UGT3A1: variants seen among roughly 807,000 people sequenced by gnomAD.
UGT3A1 encodes the protein UDP glycosyltransferase family 3 member A1, also known as UDP-glycosyltransferase 3A1.
Under a neutral mutation model 37.6 loss-of-function variants are expected in UGT3A1, and 40 were observed. That is an observed-to-expected ratio of 1.06 (90% CI 0.83 to 1.38). UGT3A1 has a LOEUF of 1.38. UGT3A1 is among the 40% of genes most tolerant of loss of function. The pLI, the probability that UGT3A1 is intolerant of heterozygous loss-of-function variation, is 0.00. For missense variants in UGT3A1, 642 were observed against 634.2 expected (o/e 1.01, Z -0.13); for synonymous variants, 256 against 232.3 (o/e 1.10, Z -0.93).
upstream of UGT3A1, among the ~76,000 whole-genome samples, chr5:35,994,035 T>TA (rs796184412): frequency 1.5e-4 from 22 of 151,692 alleles, no homozygotes; most frequent in African/African-American, 4.1e-4. Context: ...ATTTGCTGTT[T>TA]AAAAAAAAAC....
At chr5:35,971,735 A>G (rs1013867100) in intron 2 of UGT3A1, among the ~76,000 whole-genome samples, 1 of 152,092 alleles carries the variant, frequency 6.6e-6, no homozygotes. Flanking sequence ...GCTCTCAGCC[A>G]GAGAGGTATT....
chr5:35,981,879 T>C (rs1439876343), intron 2 of UGT3A1, among the ~76,000 whole-genome samples: 2 of 151,954 alleles, frequency 1.3e-5, no homozygotes, highest in Admixed American at 1.3e-4. Context: ...GAGGGGAAAA[T>C]GGTTTTGTGG....
At chr5:35,996,279 C>A (rs936607307), upstream of UGT3A1, among the ~76,000 whole-genome samples, 1 of 152,148 alleles carries the variant, frequency 6.6e-6, no homozygotes, top group African/African-American at 2.4e-5. Flanking sequence ...AGGGGTTTCG[C>A]TTCTCCAAAT....
chr5:35,976,437 C>T (rs1288885459), intron 2 of UGT3A1, among the ~76,000 whole-genome samples: 1 of 152,188 alleles, frequency 6.6e-6, no homozygotes, highest in African/African-American at 2.4e-5. Flanking sequence ...CCTACTTTCT[C>T]TTCTGGTAAG....
At position 35,954,216 on chromosome 5, in the gene UGT3A1, C is replaced by A; in HGVS notation, c.1558G>T (p.Val520Leu). The A allele has an allele frequency of 3.1e-6, 5 of 1,614,020 alleles. No individual in the cohort carries two copies. Among genetic ancestry groups the A allele is most frequent in the Non-Finnish European group, 3.4e-6 (4 of 1,179,938 alleles). Reference protein sequence around the residue: ...VARWLRGARKVKKT With the variant: ...VARWLRGARKLKKT ...TACACCTAGCCTCATGTCTTCTTCA[C>A]CTTCCTGGCCCCACGCAGCCACCTG... The change falls in exon 7 of 7, where the codon GTG becomes TTG. Residue 520 changes from valine to leucine, a missense_variant. Val to Leu is a conservative substitution (Grantham distance 32). Transcript: ENST00000274278.
rs1431045935 is a variant in UGT3A1, at chr5:35,990,913, CAAG to C, written c.94+231_94+233del. 6.9e-5 allele frequency: 95 copies of C among 1,385,230 alleles called. No homozygotes were observed. The Middle Eastern group carries it at 8.3e-4, about 12-fold the overall frequency. The allele number at this position is 1,385,230 out of a possible 1,614,324, so 85.8% of individuals were successfully genotyped here. On this transcript the variant is annotated intron_variant, in intron 1 of 6. Coordinates refer to ENST00000274278, the MANE Select transcript of UGT3A1 (RefSeq NM_152404.4). ...TGCGGGACGGGGAGCGCGTCCTGAA[CAAG>C]AAGAGAGAAGAAAGGAGAGTGTCTT...
intron 5 of UGT3A1, among the ~76,000 whole-genome samples, chr5:35,956,456 A>G (rs1211131425): frequency 6.6e-6 from 1 of 152,236 alleles, no homozygotes; most frequent in Non-Finnish European, 1.5e-5. Flanking sequence ...TTATAAATTA[A>G]ATATACAGAA....
At chr5:35,965,321 A>T in intron 4 of UGT3A1, 65 bp downstream of exon 4, 1 of 1,548,102 alleles carries the variant, frequency 6.5e-7, no homozygotes, top group Non-Finnish European at 8.7e-7. Flanking sequence ...GGCAGGTGGC[A>T]GCCACCAACT....
upstream of UGT3A1, among the ~76,000 whole-genome samples, chr5:35,993,357 G>C (rs575843196): frequency 3.9e-5 from 6 of 152,058 alleles, no homozygotes; most frequent in East Asian, 5.8e-4. Context: ...CCAGCTACTC[G>C]AGAGGCTGAG....
chr5:35,990,306 C>T (rs73076180), intron 1 of UGT3A1, among the ~76,000 whole-genome samples: 7,237 of 152,106 alleles, frequency 0.048, 589 homozygotes, highest in African/African-American at 0.17. Context: ...ATCCGTGGTT[C>T]CTTCCAGCTC....
intron 2 of UGT3A1, among the ~76,000 whole-genome samples, chr5:35,972,747 T>C (rs989883762): frequency 2.6e-5 from 4 of 152,146 alleles, no homozygotes; most frequent in African/African-American, 9.7e-5. Context: ...GATATTTATA[T>C]CAAACTAATG....
rs549319161 is a variant in UGT3A1, at chr5:35,989,250, GA to G, written c.95-700del. ...GATCCTGGTTGCACCAGAAACTAAAGAATCACTGATTCTAGGAAAATCCTAC... is the reference window on the plus strand; with the variant it reads ...GATCCTGGTTGCACCAGAAACTAAAGATCACTGATTCTAGGAAAATCCTAC... On this transcript the variant is annotated intron_variant, in intron 1 of 6. Transcript: ENST00000274278. Among the ~76,000 whole-genome samples, 6 of 152,328 alleles carry G rather than the reference GA, an allele frequency of 3.9e-5. No individual in the cohort carries two copies. In the East Asian group the frequency reaches 1.2e-3, roughly 29 times the overall value.
At chr5:35,999,650 TA>T (rs1561478105) in intron 1 of UGT3A1, among the ~76,000 whole-genome samples, 3 of 152,260 alleles carry the variant, frequency 2.0e-5, no homozygotes, top group East Asian at 1.9e-4. Context: ...AACCCTGGTG[TA>T]AAAAAATATT....
At chr5:35,980,926 G>T (rs931171967) in intron 2 of UGT3A1, among the ~76,000 whole-genome samples, 1 of 152,116 alleles carries the variant, frequency 6.6e-6, no homozygotes, top group African/African-American at 2.4e-5. Context: ...TTGAAATCAG[G>T]GATTTCCTTA....
chr5:35,957,478 G>A, intron 4 of UGT3A1, 59 bp from the exon 5 acceptor site: 1 of 1,389,688 alleles, frequency 7.2e-7, no homozygotes, highest in Non-Finnish European at 1.0e-6. Flanking sequence ...AAGTGTCCAT[G>A]AAATGAAACC....
rs781253250 is a variant in UGT3A1 at position 35,957,326 on chromosome 5, G to C, written c.937C>G (p.Leu313Val). Reference protein sequence around the residue: ...MLNTHQSQEVLKKMHNAFAHL... With the variant: ...MLNTHQSQEVVKKMHNAFAHL... ...GCAAAGGCATTGTGCATCTTCTTGA[G>C]GACTTCCTGGGACTGATGGGTGTTC... Residue 313 changes from leucine (L) to valine (V), a missense_variant, in exon 5 of 7, where the codon CTC (leucine) becomes GTC (valine). Transcript: ENST00000274278. 6.2e-7 allele frequency: 1 copy of C among 1,614,164 alleles called. No individual in the cohort carries two copies. Among genetic ancestry groups the C allele is most frequent in the Non-Finnish European group, 8.5e-7 (1 of 1,180,036 alleles).
At chr5:35,967,964 T>A in intron 3 of UGT3A1, 55 bp downstream of exon 3, 3 of 1,342,948 alleles carry the variant, frequency 2.2e-6, no homozygotes. Flanking sequence ...ATCTCTCTAT[T>A]CATTTGTATC....
intron 4 of UGT3A1, among the ~76,000 whole-genome samples, chr5:35,963,408 A>G (rs1739669382): frequency 6.6e-6 from 1 of 152,112 alleles, no homozygotes. Flanking sequence ...GGCTGCATGT[A>G]TCTTGTTTAG....
At chr5:35,976,042 T>C (rs1276497766) in intron 2 of UGT3A1, among the ~76,000 whole-genome samples, 1 of 152,152 alleles carries the variant, frequency 6.6e-6, no homozygotes, top group Admixed American at 6.5e-5. Context: ...CCCCTAGTGA[T>C]CCACTATCAA....
Sources: gnomAD v4.1 joint callset for allele counts (sites outside exome capture counted in the v4.1 genomes callset) on GRCh38, gnomAD v4.1.1 for gene constraint, MANE v1.5 for transcripts, NCBI Gene and HGNC (gene_info 2026-07-23, HGNC 2026-07-21) for gene names.